NFIA: variants seen among roughly 807,000 people sequenced by gnomAD.
The protein encoded by NFIA is nuclear factor 1 A-type.
A neutral mutation model predicts 62.8 loss-of-function variants in NFIA; 8 were observed. That is an observed-to-expected ratio of 0.13 (90% CI 0.07 to 0.23). NFIA has a LOEUF of 0.23. Ranked by LOEUF, NFIA falls within the 10% of genes least tolerant of loss-of-function variation. The pLI, the probability that NFIA is intolerant of heterozygous loss-of-function variation, is 1.00. For synonymous variants in NFIA, 235 were observed against 238.1 expected, an observed-to-expected ratio of 0.99 and a Z score of 0.12; for missense variants, 410 against 642.1, an observed-to-expected ratio of 0.64 and a Z score of 3.91.
intron 4 of NFIA, among the ~76,000 whole-genome samples, chr1:61,338,566 G>C (rs1661739539): frequency 6.6e-6 from 1 of 152,204 alleles, no homozygotes; most frequent in Non-Finnish European, 1.5e-5. Context: ...TTTCAGGCTA[G>C]TAATTTAGTA....
intron 2 of NFIA, among the ~76,000 whole-genome samples, chr1:61,136,657 C>A (rs1489817793): frequency 6.6e-6 from 1 of 152,172 alleles, no homozygotes; most frequent in Non-Finnish European, 1.5e-5. Flanking sequence ...ACTTATTAAT[C>A]TTCCAGAATT....
At chr1:61,369,752 G>C (rs2100461483) in intron 6 of NFIA, among the ~76,000 whole-genome samples, 1 of 151,914 alleles carries the variant, frequency 6.6e-6, no homozygotes, top group East Asian at 1.9e-4. Flanking sequence ...CTTACTATGG[G>C]CCACACATTG....
chr1:61,158,558 CT>C (rs1648967017), intron 2 of NFIA, among the ~76,000 whole-genome samples: 1 of 152,202 alleles, frequency 6.6e-6, no homozygotes, highest in South Asian at 2.1e-4. Flanking sequence ...AATTAATCAG[CT>C]TTTCATAAGT....
chr1:61,093,963 T>C (rs918519944), intron 2 of NFIA, among the ~76,000 whole-genome samples: 63 of 152,238 alleles, frequency 4.1e-4, no homozygotes, highest in African/African-American at 1.5e-3. Flanking sequence ...GGCCTCAAGC[T>C]GCTTCCAGAG....
intron 6 of NFIA, among the ~76,000 whole-genome samples, chr1:61,377,123 T>C (rs1664187210): frequency 6.6e-6 from 1 of 151,792 alleles, no homozygotes; most frequent in South Asian, 2.1e-4. Flanking sequence ...CTCAGGAGGC[T>C]GAGGCAGGAG....
At chr1:61,383,470 A>C (rs1181402214) in intron 7 of NFIA, 105 bp downstream of exon 7, 1 of 1,359,580 alleles carries the variant, frequency 7.4e-7, no homozygotes, top group African/African-American at 1.5e-5. Context: ...CTCGTGAGGC[A>C]GTGAGTGTTC....
chr1:61,330,443 C>CCACACA (rs1553173861), intron 3 of NFIA, among the ~76,000 whole-genome samples: 3 of 90,620 alleles, frequency 3.3e-5, no homozygotes, highest in African/African-American at 9.5e-5. Context: ...TACACCCCCC[C>CCACACA]CACACACACA....
intron 2 of NFIA, among the ~76,000 whole-genome samples, chr1:61,183,793 A>G (rs1033864763): frequency 6.6e-6 from 1 of 152,112 alleles, no homozygotes; most frequent in African/African-American, 2.4e-5. Context: ...GCCAAAGAGG[A>G]TATGTCCTTT....
chr1:61,358,379 C>CTTTCTTTTTTTTTTT (rs71582639), intron 5 of NFIA, among the ~76,000 whole-genome samples: 15 of 52,620 alleles, frequency 2.9e-4, no homozygotes, highest in East Asian at 6.5e-4. Context: ...TTCTTTCTTT[C>CTTTCTTTTTTTTTTT]TTTTTTTTTT....
At chr1:61,408,453 C>T (rs947427976) in intron 9 of NFIA, among the ~76,000 whole-genome samples, 2 of 152,214 alleles carry the variant, frequency 1.3e-5, no homozygotes, top group Non-Finnish European at 2.9e-5. Context: ...TACATCTGTT[C>T]CTTGAGGATG....
chr1:61,211,502 A>G (rs1266304344), intron 2 of NFIA, among the ~76,000 whole-genome samples: 1 of 152,234 alleles, frequency 6.6e-6, no homozygotes, highest in Non-Finnish European at 1.5e-5. Context: ...AATTGTCTCA[A>G]CAACCTTTTA....
chr1:61,395,879 T>C (rs1248247927), intron 7 of NFIA, among the ~76,000 whole-genome samples: 1 of 152,266 alleles, frequency 6.6e-6, no homozygotes, highest in Non-Finnish European at 1.5e-5. Context: ...AGTCTAGATA[T>C]ACTGTACAAC....
intron 7 of NFIA, among the ~76,000 whole-genome samples, chr1:61,403,843 C>T (rs116206677): frequency 2.0e-5 from 3 of 152,114 alleles, no homozygotes; most frequent in Admixed American, 2.0e-4. Flanking sequence ...TTCAGCCTCA[C>T]CAAGGATTAT....
At chr1:61,271,001 C>A (rs1657469878) in intron 2 of NFIA, among the ~76,000 whole-genome samples, 1 of 152,172 alleles carries the variant, frequency 6.6e-6, no homozygotes, top group East Asian at 1.9e-4. Flanking sequence ...CTTTTATAAT[C>A]ACCAGCTTCT....
chr1:61,107,195 A>G (rs1394277809), intron 2 of NFIA, among the ~76,000 whole-genome samples: 1 of 151,448 alleles, frequency 6.6e-6, no homozygotes, highest in African/African-American at 2.4e-5. Flanking sequence ...TAAATTGTTG[A>G]ATTACAGGGT....
intron 2 of NFIA, among the ~76,000 whole-genome samples, chr1:61,274,864 A>G (rs1029204216): frequency 1.3e-5 from 2 of 152,140 alleles, no homozygotes; most frequent in African/African-American, 2.4e-5. Context: ...AAGAGTGTCC[A>G]TGCATCCTCA....
intron 3 of NFIA, among the ~76,000 whole-genome samples, chr1:61,308,951 C>G (rs1219442803): frequency 1.3e-5 from 2 of 152,080 alleles, no homozygotes; most frequent in Non-Finnish European, 2.9e-5. Context: ...CCCAGCACTT[C>G]TCCAGAAGCC....
At chr1:61,125,559 A>G (rs1190125404) in intron 2 of NFIA, among the ~76,000 whole-genome samples, 1 of 152,194 alleles carries the variant, frequency 6.6e-6, no homozygotes, top group Non-Finnish European at 1.5e-5. Flanking sequence ...AACGTTTTAT[A>G]GGGACTCGTG....
chr1:61,332,406 A>T, intron 3 of NFIA, 106 bp from the exon 4 acceptor site: 1 of 1,025,820 alleles, frequency 9.7e-7, no homozygotes, highest in Non-Finnish European at 1.5e-6. Flanking sequence ...AGAGAATGAG[A>T]TTAGGCACCA....
Sources: gnomAD v4.1 joint callset for allele counts (sites outside exome capture counted in the v4.1 genomes callset) on GRCh38, gnomAD v4.1.1 for gene constraint, MANE v1.5 for transcripts, NCBI Gene and HGNC (gene_info 2026-07-23, HGNC 2026-07-21) for gene names.